The following LSAMP variants were observed in gnomAD, a reference collection of about 807,000 sequenced individuals.
LSAMP encodes limbic system-associated membrane protein.
Under a neutral mutation model 38.6 loss-of-function variants are expected in LSAMP, and 7 were observed. That is an observed-to-expected ratio of 0.18 (90% CI 0.10 to 0.34). The LOEUF is 0.34. Ranked by LOEUF, LSAMP falls within the 10% of genes least tolerant of loss-of-function variation. The pLI, the probability that LSAMP is intolerant of heterozygous loss-of-function variation, is 1.00. For synonymous variants in LSAMP, 154 were observed against 166.8 expected, an observed-to-expected ratio of 0.92 and a Z score of 0.59; for missense variants, 313 against 420.0, an observed-to-expected ratio of 0.75 and a Z score of 2.23.
chr3:116,067,766 G>A (rs1342842216), intron 2 of LSAMP, among the ~76,000 whole-genome samples: 3 of 150,918 alleles, frequency 2.0e-5, no homozygotes, highest in African/African-American at 7.4e-5. Flanking sequence ...ACACCTTTCT[G>A]TATCTTGCTG....
chr3:116,267,491 A>G (rs1205453668), intron 1 of LSAMP, among the ~76,000 whole-genome samples: 6 of 151,968 alleles, frequency 3.9e-5, no homozygotes, highest in African/African-American at 7.3e-5. Context: ...CTTAGTATCA[A>G]TGAACTGACA....
chr3:115,809,044 G>A lies in LSAMP; in HGVS notation c.*1273C>T, dbSNP rs1227884647. 1 of 152,126 alleles carries A rather than the reference G, an allele frequency of 6.6e-6. No individual in the cohort carries two copies. Among genetic ancestry groups the A allele is most frequent in the African/African-American group, 2.4e-5 (1 of 41,430 alleles). The allele number at this position is 152,126 out of a possible 1,614,324, so 9.4% of individuals were successfully genotyped here. A position where few individuals can be genotyped will look rare whatever the true frequency, so the allele number is the denominator to read the frequency against. The stretch of plus-strand genomic sequence containing the variant: ...TTCTTTCACTGGGAGTTGACACTTG[G>A]AGACCTTCCTGTTTCTGGGGATTTA... On this transcript the variant is annotated 3_prime_UTR_variant, in exon 7 of 7. Transcript: ENST00000490035.
chr3:116,071,041 AAAATAAATAAATAAT>A (rs1215056282), intron 2 of LSAMP, among the ~76,000 whole-genome samples: 9 of 143,676 alleles, frequency 6.3e-5, no homozygotes, highest in African/African-American at 1.3e-4. Flanking sequence ...ACTCCATCTC[AAAATAAATAAATAAT>A]AAATAAATAA....
At position 115,997,993 on chromosome 3, in the gene LSAMP, G is replaced by A. The variant is rs1324884277; in HGVS notation, c.514+21522C>T. 2.7e-5 allele frequency among the ~76,000 whole-genome samples: 4 copies of A among 148,656 alleles called. No individual in the cohort carries two copies. In the East Asian group the frequency reaches 7.9e-4, roughly 29 times the overall value. On this transcript the variant is annotated intron_variant, in intron 3 of 6. Coordinates refer to ENST00000490035, the MANE Select transcript of LSAMP (RefSeq NM_002338.5). The stretch of plus-strand genomic sequence containing the variant: ...TCTATATATCGTGTGTGTGATATGG[G>A]GCTTTTCTGTGCATTGTAATTTCAG...
intron 3 of LSAMP, among the ~76,000 whole-genome samples, chr3:115,946,761 T>C (rs9824257): frequency 0.95 from 144,676 of 152,180 alleles, 69,165 homozygotes; most frequent in East Asian, 1. Flanking sequence ...AAAAGGGAAT[T>C]ATTTCCAAAA....
intron 1 of LSAMP, among the ~76,000 whole-genome samples, chr3:116,429,818 T>C (rs967389127): frequency 6.6e-6 from 1 of 152,124 alleles, no homozygotes; most frequent in Non-Finnish European, 1.5e-5. Flanking sequence ...TGTTTTACTC[T>C]TTGGGGGAGT....
chr3:116,379,001 A>G (rs988199130), intron 1 of LSAMP, among the ~76,000 whole-genome samples: 3 of 143,240 alleles, frequency 2.1e-5, no homozygotes, highest in Non-Finnish European at 4.5e-5. Context: ...ACACACACAC[A>G]CACACACACA....
chr3:116,152,050 C>T (rs561256419), intron 1 of LSAMP, among the ~76,000 whole-genome samples: 1 of 152,066 alleles, frequency 6.6e-6, no homozygotes, highest in Non-Finnish European at 1.5e-5. Context: ...TTATTCCTTA[C>T]CTGCAGTCTA....
At chr3:115,899,050 G>C (rs1382060939) in intron 3 of LSAMP, among the ~76,000 whole-genome samples, 2 of 152,100 alleles carry the variant, frequency 1.3e-5, no homozygotes, top group African/African-American at 4.8e-5. Context: ...GAACTCAAAG[G>C]AGAGAATTGT....
At chr3:115,858,158 TCTCTCTC>T (rs748835679) in intron 3 of LSAMP, among the ~76,000 whole-genome samples, 1 of 142,698 alleles carries the variant, frequency 7.0e-6, no homozygotes, top group African/African-American at 2.6e-5. Flanking sequence ...TCTCTCTCTC[TCTCTCTC>T]ACACACACAC....
intron 1 of LSAMP, among the ~76,000 whole-genome samples, chr3:116,367,519 T>C (rs115441195): frequency 0.017 from 2,551 of 151,432 alleles, 62 homozygotes; most frequent in African/African-American, 0.058. Context: ...TTTGTCCTTT[T>C]TTGAGACAGA....
Position 116,378,262 on chromosome 3 carries a change from G to C in LSAMP, c.155+66615C>G, listed in dbSNP as rs181945897. 1.7e-3 allele frequency among the ~76,000 whole-genome samples: 265 copies of C among 152,074 alleles called. 2 individuals are homozygous for C. Among genetic ancestry groups the C allele is most frequent in the African/African-American group, 6.0e-3 (248 of 41,520 alleles). Reference sequence around the variant, plus strand: ...AGCTAATGGATTGTTCCTGGAAGCTGTTGTGGTATTTTTTTCAAGGGATCA... The same window carrying C: ...AGCTAATGGATTGTTCCTGGAAGCTCTTGTGGTATTTTTTTCAAGGGATCA... On this transcript the variant is annotated intron_variant, in intron 1 of 6. Transcript: ENST00000490035.
intron 2 of LSAMP, among the ~76,000 whole-genome samples, chr3:116,056,115 T>TTTATTTATTCATGTA (rs1303939002): frequency 1.3e-5 from 2 of 152,206 alleles, no homozygotes; most frequent in South Asian, 2.1e-4. Flanking sequence ...TGATATTAAT[T>TTTATTTATTCATGTA]TTATTTATTC....
chr3:116,033,761 C>A (rs1345000196), intron 2 of LSAMP, among the ~76,000 whole-genome samples: 2 of 152,054 alleles, frequency 1.3e-5, no homozygotes, highest in African/African-American at 4.8e-5. Context: ...TTAACTGCCA[C>A]TGGAACTCTG....
chr3:116,145,374 C>T (rs1030395841), intron 1 of LSAMP, among the ~76,000 whole-genome samples: 8 of 151,852 alleles, frequency 5.3e-5, no homozygotes, highest in African/African-American at 1.9e-4. Context: ...TTGACCCACA[C>T]CATTGTGCTG....
intron 3 of LSAMP, among the ~76,000 whole-genome samples, chr3:115,884,829 C>T (rs896900970): frequency 3.3e-5 from 5 of 151,824 alleles, no homozygotes; most frequent in East Asian, 1.9e-4. Flanking sequence ...AGAATAAACA[C>T]GAATGATTAT....
intron 1 of LSAMP, among the ~76,000 whole-genome samples, chr3:116,172,193 A>T (rs1403648280): frequency 1.3e-5 from 2 of 151,952 alleles, no homozygotes; most frequent in Non-Finnish European, 2.9e-5. Context: ...ATTAATGATT[A>T]AAAAAATGAC....
At chr3:116,164,142 C>G (rs1479161864) in intron 1 of LSAMP, among the ~76,000 whole-genome samples, 1 of 152,092 alleles carries the variant, frequency 6.6e-6, no homozygotes, top group Non-Finnish European at 1.5e-5. Flanking sequence ...GGTAATAGTG[C>G]TTTTTAATCC....
chr3:116,229,681 G>C (rs1297216942), intron 1 of LSAMP, among the ~76,000 whole-genome samples: 2 of 152,048 alleles, frequency 1.3e-5, no homozygotes, highest in Non-Finnish European at 2.9e-5. Flanking sequence ...ATTTGTATTT[G>C]TATTTCACAT....
Sources: gnomAD v4.1 joint callset for allele counts (sites outside exome capture counted in the v4.1 genomes callset) on GRCh38, gnomAD v4.1.1 for gene constraint, MANE v1.5 for transcripts, NCBI Gene and HGNC (gene_info 2026-07-23, HGNC 2026-07-21) for gene names.